NDRG3: variants seen among roughly 807,000 people sequenced by gnomAD.
NDRG3 encodes the protein NDRG family member 3.
Under a neutral mutation model 57.2 loss-of-function variants are expected in NDRG3, and 23 were observed. The observed-to-expected ratio is 0.40, with a 90% CI of 0.29 to 0.57. The LOEUF is 0.57. NDRG3 is among the 20% of genes least tolerant of loss of function. NDRG3 has a pLI of 0.42. For synonymous variants in NDRG3, 132 were observed against 162.6 expected, an observed-to-expected ratio of 0.81 and a Z score of 1.43; for missense variants, 384 against 457.3, an observed-to-expected ratio of 0.84 and a Z score of 1.46.
At chr20:36,724,011 G>A (rs1984769363) in intron 1 of NDRG3, among the ~76,000 whole-genome samples, 1 of 151,942 alleles carries the variant, frequency 6.6e-6, no homozygotes, top group African/African-American at 2.4e-5. Context: ...CCGGCCTAGT[G>A]TACTATATTA....
chr20:36,655,913 A>C (rs1027995712), intron 15 of NDRG3, among the ~76,000 whole-genome samples: 2 of 152,172 alleles, frequency 1.3e-5, no homozygotes, highest in African/African-American at 4.8e-5. Context: ...AGGCAGGCAG[A>C]TCATGAGGTC....
intron 15 of NDRG3, among the ~76,000 whole-genome samples, chr20:36,655,962 C>T (rs1001486071): frequency 5.3e-5 from 8 of 151,892 alleles, no homozygotes; most frequent in East Asian, 3.9e-4. Flanking sequence ...GGTGAATCTC[C>T]GTCTCTCCTA....
Position 36,706,956 on chromosome 20 carries a change from C to T in NDRG3, c.93+16G>A. ...GATCCTGTACAGAGCCTCCTTCTTG[C>T]TTGTACAGTCCTTACCTGACAGTCA... On this transcript the variant is annotated intron_variant, in intron 3 of 15. Coordinates refer to ENST00000349004, the MANE Select transcript of NDRG3 (RefSeq NM_032013.4). The T allele has an allele frequency of 6.2e-7, 1 of 1,611,932 alleles. No homozygotes were observed. The highest frequency in any genetic ancestry group is 8.5e-7 in the Non-Finnish European group (1 of 1,178,182).
intron 8 of NDRG3, among the ~76,000 whole-genome samples, chr20:36,675,186 A>G (rs1177245009): frequency 2.0e-5 from 3 of 150,382 alleles, no homozygotes; most frequent in Non-Finnish European, 4.4e-5. Context: ...TAGCTTCCCA[A>G]GTAGCTGGGA....
chr20:36,692,475 CG>C (rs1359952319), intron 3 of NDRG3, among the ~76,000 whole-genome samples: 2 of 152,124 alleles, frequency 1.3e-5, no homozygotes, highest in African/African-American at 4.8e-5. Flanking sequence ...CCACCTGCCT[CG>C]GCCTCCCAAA....
intron 3 of NDRG3, among the ~76,000 whole-genome samples, chr20:36,706,576 C>G (rs1256405444): frequency 6.6e-6 from 1 of 152,172 alleles, no homozygotes; most frequent in Non-Finnish European, 1.5e-5. Flanking sequence ...ACGATCTCGG[C>G]TCACTGAACC....
chr20:36,744,004 C>G (rs1451955011), intron 1 of NDRG3, among the ~76,000 whole-genome samples: 3 of 148,600 alleles, frequency 2.0e-5, no homozygotes, highest in Non-Finnish European at 4.5e-5. Context: ...GGGTTCACGC[C>G]ATTCTCCTGC....
intron 6 of NDRG3, among the ~76,000 whole-genome samples, chr20:36,683,621 CAAATAAAT>C (rs199913203): frequency 1.4e-5 from 2 of 146,626 alleles, no homozygotes; most frequent in African/African-American, 5.0e-5. Context: ...CATCTCAAAA[CAAATAAAT>C]AAATAAATAA....
intron 2 of NDRG3, among the ~76,000 whole-genome samples, chr20:36,711,070 A>G (rs1271462432): frequency 2.6e-5 from 4 of 151,078 alleles, no homozygotes; most frequent in African/African-American, 9.7e-5. Context: ...CACGAGGTCA[A>G]GAGATCAAGA....
rs755355204 is a variant in NDRG3 at position 36,654,824 on chromosome 20, A to G, written c.947-1123T>C. 3 of 779,784 alleles carry G rather than the reference A, an allele frequency of 3.8e-6. No individual in the cohort carries two copies. In the South Asian group the frequency reaches 4.0e-5, roughly 10 times the overall value. The allele number at this position is 779,784 out of a possible 1,614,324, so 48.3% of individuals were successfully genotyped here. A position where few individuals can be genotyped will look rare whatever the true frequency, so the allele number is the denominator to read the frequency against. The stretch of plus-strand genomic sequence containing the variant: ...ACCTGACTCGGTGCTCAGGTGACTG[A>G]GCTGCACATACGGGACTGGAAGCAG... On this transcript the variant is annotated intron_variant, in intron 15 of 15. Transcript: ENST00000349004.
In NDRG3 at chr20:36,689,717, ATTTT is replaced by A. The variant is rs11366908; in HGVS notation, c.94-937_94-934del. Among the ~76,000 whole-genome samples, 109 of 97,212 alleles carry A rather than the reference ATTTT, an allele frequency of 1.1e-3. 2 individuals are homozygous for A. The highest frequency in any genetic ancestry group is 3.7e-3 in the African/African-American group (100 of 26,830). 63.8% of individuals were successfully genotyped at this position (97,212 alleles called of 152,430 possible). On this transcript the variant is annotated intron_variant, in intron 3 of 15. Coordinates refer to ENST00000349004, the MANE Select transcript of NDRG3 (RefSeq NM_032013.4). ...AGCACCTTTCCCTTGGAACTAAGAG[ATTTT>A]TTTTTTTTTTTTTTTTTGAGACAGA...
chr20:36,702,113 T>C (rs1349547929), intron 3 of NDRG3, among the ~76,000 whole-genome samples: 1 of 152,114 alleles, frequency 6.6e-6, no homozygotes, highest in Admixed American at 6.6e-5. Context: ...TTAGTTATAT[T>C]TGCATGACAA....
rs374081735 is a variant in NDRG3 at position 36,671,941 on chromosome 20, G to A, written c.532-544C>T. Among the ~76,000 whole-genome samples the A allele has an allele frequency of 1.1e-4, 16 of 152,238 alleles. No individual in the cohort carries two copies. In the East Asian group the frequency reaches 2.5e-3, roughly 24 times the overall value. On this transcript the variant is annotated intron_variant, in intron 8 of 15. Coordinates refer to ENST00000349004, the MANE Select transcript of NDRG3 (RefSeq NM_032013.4). ...TAATAATAAAGCCTGCTATGAAATA[G>A]GGGACTGGAAGGACAATGTCAATTC...
In NDRG3 at chr20:36,687,495, G is replaced by T. The variant is rs140732476; in HGVS notation, c.317C>A (p.Thr106Lys). The T allele has an allele frequency of 6.2e-7, 1 of 1,613,314 alleles. No homozygotes were observed. The highest frequency in any genetic ancestry group is 1.1e-5 in the South Asian group (1 of 91,016). Residue 106 changes from threonine (T) to lysine (K), a missense_variant, in exon 5 of 16, where the codon ACA becomes AAA. Transcript: ENST00000349004. ...GQQEGAPSFPTGYQYPTMDEL... is the reference protein window; with the variant it reads ...GQQEGAPSFPKGYQYPTMDEL... Reference sequence around the variant, plus strand: ...GATGATCTTTTCGTGGCCTTACCCTGTTGGGAAAGAGGGTGCACCTTCCTG... The same window carrying T: ...GATGATCTTTTCGTGGCCTTACCCTTTTGGGAAAGAGGGTGCACCTTCCTG...
At chr20:36,741,057 C>T (rs1324599411) in intron 1 of NDRG3, among the ~76,000 whole-genome samples, 1 of 152,150 alleles carries the variant, frequency 6.6e-6, no homozygotes, top group Non-Finnish European at 1.5e-5. Flanking sequence ...AAAATGTTAT[C>T]AATCTTTGCA....
chr20:36,654,886 G>A (rs932691926), intron 15 of NDRG3: 2 of 779,500 alleles, frequency 2.6e-6, no homozygotes, highest in African/African-American at 3.4e-5. Flanking sequence ...TGACCCCAGA[G>A]TGCCAAGTGG....
intron 15 of NDRG3, among the ~76,000 whole-genome samples, chr20:36,655,418 G>A (rs1365434398): frequency 6.6e-6 from 1 of 152,232 alleles, no homozygotes; most frequent in Non-Finnish European, 1.5e-5. Context: ...TCCAAGAAAG[G>A]AGCAAGTGTA....
chr20:36,679,479 C>T (rs912237203), intron 8 of NDRG3, among the ~76,000 whole-genome samples: 5 of 151,670 alleles, frequency 3.3e-5, no homozygotes, highest in Non-Finnish European at 4.4e-5. Context: ...ACTAAAGAAC[C>T]GTTTAGAACT....
At chr20:36,682,712 T>C (rs1981414059) in intron 6 of NDRG3, 134 bp from the exon 7 acceptor site, 1 of 716,580 alleles carries the variant, frequency 1.4e-6, no homozygotes, top group East Asian at 2.7e-5. Flanking sequence ...GGCAAGTGTT[T>C]TTTTTCTTTC....
Sources: gnomAD v4.1 joint callset for allele counts (sites outside exome capture counted in the v4.1 genomes callset) on GRCh38, gnomAD v4.1.1 for gene constraint, MANE v1.5 for transcripts, NCBI Gene and HGNC (gene_info 2026-07-23, HGNC 2026-07-21) for gene names.